Variants in IMMP2L observed in about 807,000 individuals in gnomAD.
IMMP2L encodes inner mitochondrial membrane peptidase subunit 2.
IMMP2L carries 18 observed loss-of-function variants against 19.3 expected under a neutral mutation model. The observed-to-expected ratio is 0.93, with a 90% confidence interval of 0.64 to 1.38. The LOEUF (loss-of-function observed/expected upper bound fraction) is 1.38, where lower values mean the gene tolerates loss of function less well. Ranked by LOEUF, IMMP2L falls within the 40% of genes most tolerant of loss-of-function variation. IMMP2L has a pLI of 0.00. For missense variants in IMMP2L, 233 were observed against 218.2 expected, an observed-to-expected ratio of 1.07 and a Z score of -0.43; for synonymous variants, 76 against 73.0, an observed-to-expected ratio of 1.04 and a Z score of -0.21.
intron 3 of IMMP2L, among the ~76,000 whole-genome samples, chr7:110,969,334 T>TC (rs1819893977): frequency 6.6e-6 from 1 of 152,070 alleles, no homozygotes; most frequent in Non-Finnish European, 1.5e-5. Flanking sequence ...GCTACCTTTT[T>TC]CCCCTTGCAT....
intron 5 of IMMP2L, among the ~76,000 whole-genome samples, chr7:110,834,560 G>A (rs1804262123): frequency 1.3e-5 from 2 of 152,062 alleles, no homozygotes; most frequent in African/African-American, 2.4e-5. Context: ...AAGTATATAA[G>A]TATAAACATA....
intron 4 of IMMP2L, among the ~76,000 whole-genome samples, chr7:110,922,241 G>C (rs1044125699): frequency 2.8e-4 from 43 of 152,168 alleles, no homozygotes; most frequent in African/African-American, 1.0e-3. Flanking sequence ...AATGTATATG[G>C]CAATGTTTGT....
At chr7:111,472,579 T>C (rs1444077017) in intron 3 of IMMP2L, among the ~76,000 whole-genome samples, 1 of 152,152 alleles carries the variant, frequency 6.6e-6, no homozygotes, top group Non-Finnish European at 1.5e-5. Context: ...AATATTTAGC[T>C]GTAATTTCTT....
chr7:111,318,111 A>G (rs554914801), intron 3 of IMMP2L, among the ~76,000 whole-genome samples: 17 of 152,282 alleles, frequency 1.1e-4, no homozygotes, highest in Middle Eastern at 3.4e-3. Flanking sequence ...AGTAAAAACT[A>G]CACTAGCTTA....
chr7:110,884,091 T>C (rs1304549058), intron 5 of IMMP2L, among the ~76,000 whole-genome samples: 3 of 152,056 alleles, frequency 2.0e-5, no homozygotes, highest in African/African-American at 7.2e-5. Flanking sequence ...ATTAGAAATG[T>C]CACAGTTATA....
intron 3 of IMMP2L, among the ~76,000 whole-genome samples, chr7:111,273,471 T>G (rs1330414593): frequency 6.6e-6 from 1 of 152,006 alleles, no homozygotes; most frequent in Non-Finnish European, 1.5e-5. Context: ...CTAGACATCA[T>G]ACATAATAAT....
chr7:111,466,013 T>C (rs1201321439), intron 3 of IMMP2L, among the ~76,000 whole-genome samples: 2 of 152,166 alleles, frequency 1.3e-5, no homozygotes, highest in Non-Finnish European at 2.9e-5. Flanking sequence ...GATGAGGTCA[T>C]GTCCTTTGTA....
chr7:111,500,008 T>C lies in IMMP2L; in HGVS notation c.136-12667A>G, dbSNP rs113764633. 6.3e-3 allele frequency among the ~76,000 whole-genome samples: 957 copies of C among 152,186 alleles called. 13 individuals carry two copies. The highest frequency in any genetic ancestry group is 0.02 in the African/African-American group (839 of 41,516). On this transcript the variant is annotated intron_variant, in intron 2 of 5. Coordinates refer to ENST00000405709, the MANE Select transcript of IMMP2L (RefSeq NM_032549.4). ...GCACAAGCCAAAGCAGGGTGAGGCA[T>C]TGCCTCACTCGGGAAGCACAAGGGG...
chr7:111,243,106 C>G (rs991022731), intron 3 of IMMP2L, among the ~76,000 whole-genome samples: 1 of 151,950 alleles, frequency 6.6e-6, no homozygotes, highest in Non-Finnish European at 1.5e-5. Flanking sequence ...ATTTTTATGC[C>G]AACTAAAGAG....
At chr7:110,832,817 G>A (rs1804088051) in intron 5 of IMMP2L, among the ~76,000 whole-genome samples, 1 of 152,054 alleles carries the variant, frequency 6.6e-6, no homozygotes, top group African/African-American at 2.4e-5. Flanking sequence ...CTGATCATAT[G>A]AATAACATAA....
chr7:110,829,833 A>T (rs1803807388), intron 5 of IMMP2L, among the ~76,000 whole-genome samples: 1 of 152,160 alleles, frequency 6.6e-6, no homozygotes, highest in Admixed American at 6.6e-5. Flanking sequence ...AGGGCAGAAG[A>T]AATGTGTTTT....
At chr7:111,408,296 C>T (rs1157842770) in intron 3 of IMMP2L, among the ~76,000 whole-genome samples, 1 of 151,628 alleles carries the variant, frequency 6.6e-6, no homozygotes, top group African/African-American at 2.4e-5. Context: ...TATTATAAGA[C>T]AGCTTGGCCA....
chr7:111,351,783 T>C (rs1828191511), intron 3 of IMMP2L, among the ~76,000 whole-genome samples: 1 of 152,204 alleles, frequency 6.6e-6, no homozygotes, highest in African/African-American at 2.4e-5. Flanking sequence ...AGTGCAGACA[T>C]ATTGTCCATC....
chr7:111,523,540 A>G (rs1391943920), intron 1 of IMMP2L, among the ~76,000 whole-genome samples: 6 of 152,116 alleles, frequency 3.9e-5, no homozygotes, highest in African/African-American at 1.2e-4. Flanking sequence ...ACTGACATCA[A>G]TGAGGGCTAT....
chr7:111,403,272 C>T (rs1018912691), intron 3 of IMMP2L, among the ~76,000 whole-genome samples: 1 of 151,958 alleles, frequency 6.6e-6, no homozygotes, highest in East Asian at 1.9e-4. Flanking sequence ...CACTCTCTCT[C>T]TCTCTCTCCT....
At chr7:110,861,069 TTGTGTG>T (rs754363475) in intron 5 of IMMP2L, among the ~76,000 whole-genome samples, 4 of 129,026 alleles carry the variant, frequency 3.1e-5, no homozygotes, top group Admixed American at 7.8e-5. Flanking sequence ...CACCAGCAGT[TTGTGTG>T]TGTGTGTGTG....
intron 3 of IMMP2L, among the ~76,000 whole-genome samples, chr7:111,168,712 C>G (rs898058840): frequency 1.3e-5 from 2 of 151,878 alleles, no homozygotes; most frequent in African/African-American, 4.8e-5. Context: ...GTATAATATA[C>G]TCTATCCCTT....
chr7:111,434,497 T>C (rs538305259), intron 3 of IMMP2L, among the ~76,000 whole-genome samples: 1 of 151,528 alleles, frequency 6.6e-6, no homozygotes, highest in African/African-American at 2.4e-5. Context: ...GCAAAGGACA[T>C]GAACAGTCAT....
chr7:111,443,639 T>C (rs894269862), intron 3 of IMMP2L, among the ~76,000 whole-genome samples: 1 of 152,288 alleles, frequency 6.6e-6, no homozygotes, highest in South Asian at 2.1e-4. Context: ...CCAGAAGGAC[T>C]TCAGAATCCA....
Sources: allele counts gnomAD v4.1 joint callset (sites outside exome capture counted in the v4.1 genomes callset), GRCh38; gene constraint gnomAD v4.1.1; transcripts MANE v1.5; gene names NCBI Gene and HGNC (gene_info 2026-07-23, HGNC 2026-07-21).